The following PTPRD variants were observed in gnomAD, a reference collection of about 807,000 sequenced individuals.
PTPRD encodes the protein protein tyrosine phosphatase receptor type D.
A neutral mutation model predicts 214.5 loss-of-function variants in PTPRD; 34 were observed. The ratio of observed to expected loss-of-function variants is 0.16; its 90% CI spans 0.12 to 0.21. The LOEUF is 0.21. Among genes scored for constraint, PTPRD ranks in the 10% least tolerant of loss-of-function variants. The pLI is 1.00. For missense variants in PTPRD, 2,545 were observed against 2,398.7 expected (o/e 1.06, Z -1.27); for synonymous variants, 1,128 against 845.7 (o/e 1.33, Z -5.79).
At chr9:8,961,588 C>A (rs192895132) in intron 11 of PTPRD, among the ~76,000 whole-genome samples, 1 of 152,204 alleles carries the variant, frequency 6.6e-6, no homozygotes, top group Non-Finnish European at 1.5e-5. Flanking sequence ...TCTTCTGCAT[C>A]AAGGTTGAGG....
intron 9 of PTPRD, among the ~76,000 whole-genome samples, chr9:9,341,014 T>C (rs2046579881): frequency 1.3e-5 from 2 of 152,166 alleles, no homozygotes; most frequent in South Asian, 4.1e-4. Context: ...ACAAAAGCTT[T>C]CCTTATAAAA....
chr9:8,361,958 T>C (rs534764106), intron 39 of PTPRD, among the ~76,000 whole-genome samples: 8 of 152,318 alleles, frequency 5.3e-5, no homozygotes, highest in Admixed American at 3.3e-4. Flanking sequence ...TCTTAAGCCA[T>C]AGCCAAACTG....
chr9:9,331,440 G>A (rs981721361), intron 9 of PTPRD, among the ~76,000 whole-genome samples: 2 of 152,000 alleles, frequency 1.3e-5, no homozygotes, highest in East Asian at 1.9e-4. Context: ...GATTATCTGC[G>A]CATCTAATCC....
chr9:9,573,342 T>TA (rs1314459759), intron 8 of PTPRD, among the ~76,000 whole-genome samples: 1 of 151,414 alleles, frequency 6.6e-6, no homozygotes, highest in African/African-American at 2.4e-5. Flanking sequence ...GAACTGAAGA[T>TA]ATTGCTTATG....
intron 26 of PTPRD, among the ~76,000 whole-genome samples, chr9:8,495,882 G>C (rs1295194468): frequency 1.3e-5 from 2 of 152,120 alleles, no homozygotes; most frequent in African/African-American, 4.8e-5. Context: ...ATACCGTCTT[G>C]CCAGCCTTTA....
chr9:9,496,758 C>CA (rs1346921756), intron 8 of PTPRD, among the ~76,000 whole-genome samples: 1 of 152,014 alleles, frequency 6.6e-6, no homozygotes, highest in Non-Finnish European at 1.5e-5. Flanking sequence ...GGAAATATAT[C>CA]AAAAATACAT....
At chr9:8,633,224 C>A (rs2154319774) in intron 14 of PTPRD, 93 bp downstream of exon 14, 1 of 1,431,772 alleles carries the variant, frequency 7.0e-7, no homozygotes, top group East Asian at 2.4e-5. Flanking sequence ...CCCATTTAAG[C>A]ACCATCACAA....
chr9:9,185,157 T>C (rs1422794219), intron 9 of PTPRD, among the ~76,000 whole-genome samples: 5 of 152,072 alleles, frequency 3.3e-5, no homozygotes, highest in African/African-American at 9.7e-5. Flanking sequence ...TTAATGCCAA[T>C]GGAGAGAAAA....
chr9:8,335,847 C>T (rs1044172984), intron 43 of PTPRD, among the ~76,000 whole-genome samples: 1 of 151,930 alleles, frequency 6.6e-6, no homozygotes, highest in African/African-American at 2.4e-5. Context: ...ATACCAATAA[C>T]AGCCAAATCA....
intron 11 of PTPRD, among the ~76,000 whole-genome samples, chr9:8,795,905 G>C (rs567675346): frequency 6.6e-6 from 1 of 151,826 alleles, no homozygotes; most frequent in African/African-American, 2.4e-5. Context: ...GCACCAAGTC[G>C]CATGTTCAAA....
chr9:9,790,291 G>T (rs1314730365), intron 5 of PTPRD, among the ~76,000 whole-genome samples: 1 of 152,096 alleles, frequency 6.6e-6, no homozygotes, highest in Non-Finnish European at 1.5e-5. Context: ...TTTATAAAAT[G>T]TTTATCCTCC....
chr9:8,528,450 C>T (rs1468430983), intron 15 of PTPRD, 141 bp downstream of exon 15: 5 of 753,514 alleles, frequency 6.6e-6, no homozygotes, highest in Non-Finnish European at 1.1e-5. Context: ...CATGGACCAC[C>T]CATTAAGTAA....
intron 12 of PTPRD, among the ~76,000 whole-genome samples, chr9:8,658,986 T>C (rs541751900): frequency 6.6e-6 from 1 of 152,298 alleles, no homozygotes; most frequent in African/African-American, 2.4e-5. Flanking sequence ...TTCATGATTA[T>C]ATTTTTGCCG....
intron 11 of PTPRD, among the ~76,000 whole-genome samples, chr9:8,833,711 T>TACACACACACAC (rs1234155614): frequency 7.3e-5 from 10 of 137,570 alleles, no homozygotes; most frequent in Admixed American, 2.2e-4. Context: ...TATATATATA[T>TACACACACACAC]ATATACACAC....
chr9:9,320,476 A>C (rs947412550), intron 9 of PTPRD, among the ~76,000 whole-genome samples: 4 of 152,198 alleles, frequency 2.6e-5, no homozygotes, highest in Non-Finnish European at 5.9e-5. Flanking sequence ...CAGGAGAGAA[A>C]ACTAAATATT....
chr9:8,842,311 A>G (rs1298853096), intron 11 of PTPRD, among the ~76,000 whole-genome samples: 1 of 143,190 alleles, frequency 7.0e-6, no homozygotes, highest in Non-Finnish European at 1.5e-5. Flanking sequence ...TAAAAGGATT[A>G]TGAGCAAAAG....
chr9:8,600,555 G>A (rs973603052), intron 14 of PTPRD, among the ~76,000 whole-genome samples: 1 of 151,700 alleles, frequency 6.6e-6, no homozygotes, highest in South Asian at 2.1e-4. Flanking sequence ...ACTCTGTCTT[G>A]CATCTTGGAT....
chr9:9,591,082 A>C (rs916468072), intron 7 of PTPRD, among the ~76,000 whole-genome samples: 1 of 152,156 alleles, frequency 6.6e-6, no homozygotes, highest in Non-Finnish European at 1.5e-5. Flanking sequence ...TTGCAGAAGC[A>C]ATGAAGACTA....
chr9:8,667,651 T>C (rs996836944), intron 12 of PTPRD, among the ~76,000 whole-genome samples: 2 of 152,124 alleles, frequency 1.3e-5, no homozygotes, highest in African/African-American at 2.4e-5. Context: ...AAATTTCACA[T>C]ACATGAAATA....
Sources: allele counts gnomAD v4.1 joint callset (sites outside exome capture counted in the v4.1 genomes callset), GRCh38; gene constraint gnomAD v4.1.1; transcripts MANE v1.5; gene names NCBI Gene and HGNC (gene_info 2026-07-23, HGNC 2026-07-21).